CYP4A22: variants seen among roughly 807,000 people sequenced by gnomAD.
CYP4A22 encodes cytochrome P450 family 4 subfamily A member 22, also known as cytochrome P450 4A22.
CYP4A22 carries 46 observed loss-of-function variants against 56.2 expected under a neutral mutation model. That is an observed-to-expected ratio of 0.82 (90% confidence interval 0.65 to 1.05). The LOEUF is 1.05. Among genes scored for constraint, CYP4A22 ranks in the 50% least tolerant of loss-of-function variants. CYP4A22 has a pLI of 0.00. For synonymous variants in CYP4A22, 193 were observed against 251.1 expected, an observed-to-expected ratio of 0.77 and a Z score of 2.19; for missense variants, 541 against 645.9, an observed-to-expected ratio of 0.84 and a Z score of 1.76.
At chr1:47,145,980 C>A (rs767514787) in intron 10 of CYP4A22, 50 bp downstream of exon 10, 1 of 1,614,086 alleles carries the variant, frequency 6.2e-7, no homozygotes, top group East Asian at 2.2e-5. Flanking sequence ...AAGACCAATA[C>A]CTTCTCCTGC....
In CYP4A22 at chr1:47,146,077, G is replaced by T. The variant is rs557697033; in HGVS notation, c.1288G>T (p.Val430Leu). ...HNPKVWPNLE[V>L]FDPSRFAPGS... is the part of the protein sequence containing the mutation. ...CCTGGCTCTGGTGCTCTCTCTGCAG[G>T]TGTTTGACCCTTCCCGTTTTGCACC... Residue 430 changes from valine to leucine, a missense_variant and splice_region_variant, in exon 11 of 12, where the codon GTG (valine) becomes TTG (leucine). Physicochemically the swap from Val to Leu is conservative, Grantham distance 32 (BLOSUM62 1). This residue lies in a region of CYP4A22 where 204 missense variants were observed against 258.9 expected (regional missense o/e 0.79). Coordinates refer to ENST00000371891, the MANE Select transcript of CYP4A22 (RefSeq NM_001010969.4). The T allele has an allele frequency of 1.9e-6, 3 of 1,614,170 alleles. No individual in the cohort carries two copies. Among genetic ancestry groups the T allele is most frequent in the Non-Finnish European group, 2.5e-6 (3 of 1,180,030 alleles).
rs542452720 is a variant in CYP4A22, at chr1:47,149,137, G to T, written c.*340G>T. ...TTGGAACACCAAGCTCTGTGCTGAA[G>T]GGTGGAAGGCTACCCTGACGCACCA... On this transcript the variant is annotated 3_prime_UTR_variant, in exon 12 of 12. Transcript: ENST00000371891. 306 of 209,694 alleles carry T rather than the reference G, an allele frequency of 1.5e-3. No individual in the cohort carries two copies. Among genetic ancestry groups the T allele is most frequent in the Non-Finnish European group, 2.1e-3 (217 of 105,124 alleles). The allele number at this position is 209,694 out of a possible 1,614,324, so 13.0% of individuals were successfully genotyped here.
intron 11 of CYP4A22, among the ~76,000 whole-genome samples, 182 bp from the exon 12 acceptor site, chr1:47,148,419 GT>G (rs1023174977): frequency 6.6e-6 from 1 of 152,188 alleles, no homozygotes; most frequent in African/African-American, 2.4e-5. Context: ...TCTGTCCAAG[GT>G]TTGGGACAGT....
At chr1:47,138,386 G>T (rs1420326242) in intron 1 of CYP4A22, among the ~76,000 whole-genome samples, 1 of 152,172 alleles carries the variant, frequency 6.6e-6, no homozygotes, top group Non-Finnish European at 1.5e-5. Flanking sequence ...TGAACAGGGT[G>T]TATTGACCTC....
In CYP4A22 at chr1:47,140,818, G is replaced by A; in HGVS notation, c.234G>A (p.Arg78=). The part of the protein sequence containing the change: ...HDQELQRIQE[R]VKTFPSACPY... ...AGGAGCTACAACGGATTCAGGAACG[G>A]GTGAAGACATTCCCAAGTGCCTGTC... Residue 78 remains arginine (R), a synonymous_variant, in exon 2 of 12, where the codon CGG becomes CGA. Transcript: ENST00000371891. 1.2e-6 allele frequency: 2 copies of A among 1,614,148 alleles called. No homozygotes were observed. Among genetic ancestry groups the A allele is most frequent in the Non-Finnish European group, 1.7e-6 (2 of 1,180,022 alleles).
intron 1 of CYP4A22, among the ~76,000 whole-genome samples, 182 bp downstream of exon 1, chr1:47,137,862 G>A (rs1644961672): frequency 6.6e-6 from 1 of 152,202 alleles, no homozygotes. Context: ...CTCCCATGAA[G>A]CCCATCCTGC....
chr1:47,146,826 A>T, intron 11 of CYP4A22: 1 of 986,628 alleles, frequency 1.0e-6, no homozygotes, highest in Non-Finnish European at 1.2e-6. Context: ...AATTCTGTAC[A>T]TGCCTTGAGA....
At chr1:47,141,316 T>C (rs1557646045) in intron 2 of CYP4A22, among the ~76,000 whole-genome samples, 1 of 152,178 alleles carries the variant, frequency 6.6e-6, no homozygotes, top group African/African-American at 2.4e-5. Flanking sequence ...GTATTATTCA[T>C]TGTCATTGAA....
intron 1 of CYP4A22, 55 bp downstream of exon 1, chr1:47,137,735 A>G: frequency 6.5e-7 from 1 of 1,544,432 alleles, no homozygotes; most frequent in Non-Finnish European, 8.7e-7. Context: ...CGGCTCTGAG[A>G]CCCTGGTCAC....
Position 47,146,168 on chromosome 1 carries a change from G to T in CYP4A22, c.1364+15G>T. 6.2e-7 allele frequency: 1 copy of T among 1,614,186 alleles called. No individual in the cohort carries two copies. Among genetic ancestry groups the T allele is most frequent in the Non-Finnish European group, 8.5e-7 (1 of 1,180,026 alleles). On this transcript the variant is annotated intron_variant, in intron 11 of 11. Transcript: ENST00000371891. ...GGAGGATCAAGGTGAGACGTCCTGT[G>T]TGGTAATTGGAATAGAGAAATGAGG...
chr1:47,148,317 C>T (rs1645096952), intron 11 of CYP4A22, among the ~76,000 whole-genome samples: 3 of 152,180 alleles, frequency 2.0e-5, no homozygotes, highest in Admixed American at 2.0e-4. Context: ...GACTCTGTGC[C>T]TTAGAGCCCT....
In CYP4A22 at chr1:47,143,252, GC is replaced by G. The variant is rs2148556642; in HGVS notation, c.511-12del. On this transcript the variant is annotated splice_polypyrimidine_tract_variant and intron_variant, in intron 4 of 11. Transcript: ENST00000371891. Reference sequence around the variant, plus strand: ...CTTCTTGGAGATTAAGAAGGTCCATGCCCCCTCCCACCACAGGACAAATGGG... The same window carrying G: ...CTTCTTGGAGATTAAGAAGGTCCATGCCCCTCCCACCACAGGACAAATGGG... 1 of 1,596,214 alleles carries G rather than the reference GC, an allele frequency of 6.3e-7. No homozygotes were observed. The highest frequency in any genetic ancestry group is 1.1e-5 in the South Asian group (1 of 88,174).
At chr1:47,146,005 G>T (rs1407352240) in intron 10 of CYP4A22, 72 bp from the exon 11 acceptor site, 1 of 1,613,984 alleles carries the variant, frequency 6.2e-7, no homozygotes, top group African/African-American at 1.3e-5. Context: ...ACCTCTGGGA[G>T]TACTGTACCC....
In CYP4A22 at chr1:47,144,400, G is replaced by A. The variant is rs887098223; in HGVS notation, c.834G>A (p.Gly278=). The A allele has an allele frequency of 1.2e-5, 20 of 1,613,862 alleles. No homozygotes were observed. The Admixed American group carries it at 2.7e-4, about 22-fold the overall frequency. Residue 278 remains glycine, a synonymous_variant, in exon 7 of 12, where the codon GGG becomes GGA. Coordinates refer to ENST00000371891, the MANE Select transcript of CYP4A22 (RefSeq NM_001010969.4). ...GGAAGGCTCAACTACAGAAGGAGGG[G>A]GAGCTGGAGAAGATCAAGAGGAAGA... is the stretch of plus-strand genomic sequence containing the variant. ...QLRKAQLQKE[G]ELEKIKRKRH...
At chr1:47,140,697 C>T in intron 1 of CYP4A22, 83 bp from the exon 2 acceptor site, 2 of 1,565,600 alleles carry the variant, frequency 1.3e-6, no homozygotes, top group Non-Finnish European at 1.7e-6. Flanking sequence ...TGCTACATGG[C>T]TCCTGTAGTT....
rs746198277 is a variant in CYP4A22 at position 47,143,801 on chromosome 1, C to T, written c.675C>T (p.Asn225=). The T allele has an allele frequency of 1.9e-6, 3 of 1,613,860 alleles. No individual in the cohort carries two copies. In the African/African-American group the frequency reaches 4.0e-5, roughly 22 times the overall value. ...QSYIQAISDL[N]SLVFCCMRNA... The stretch of plus-strand genomic sequence containing the variant: ...ACATCCAGGCCATTAGTGACCTGAA[C>T]AGCCTGGTTTTTTGCTGTATGAGGA... Residue 225 remains asparagine, a synonymous_variant, in exon 6 of 12, where the codon AAC becomes AAT. Transcript: ENST00000371891.
intron 9 of CYP4A22, among the ~76,000 whole-genome samples, chr1:47,145,500 C>G (rs1408782962): frequency 6.6e-6 from 1 of 152,166 alleles, no homozygotes; most frequent in Non-Finnish European, 1.5e-5. Context: ...AGGTATCTCC[C>G]CTGAAAACTG....
chr1:47,148,585 G>T lies in CYP4A22; in HGVS notation c.1365-17G>T. On this transcript the variant is annotated splice_polypyrimidine_tract_variant and intron_variant, in intron 11 of 11. Coordinates refer to ENST00000371891, the MANE Select transcript of CYP4A22 (RefSeq NM_001010969.4). Reference sequence around the variant, plus strand: ...GCCTGAGGACACGTCTCAATTCATTGTCTCCGCCTGGCCCAGGAACTGCAT... The same window carrying T: ...GCCTGAGGACACGTCTCAATTCATTTTCTCCGCCTGGCCCAGGAACTGCAT... 3 of 1,596,102 alleles carry T rather than the reference G, an allele frequency of 1.9e-6. No homozygotes were observed. Among genetic ancestry groups the T allele is most frequent in the Non-Finnish European group, 2.6e-6 (3 of 1,170,548 alleles).
intron 4 of CYP4A22, among the ~76,000 whole-genome samples, chr1:47,142,868 C>T (rs72894559): frequency 5.5e-4 from 84 of 152,356 alleles, no homozygotes; most frequent in African/African-American, 2.0e-3. Flanking sequence ...CTGAAACTTT[C>T]TGCCCTAAAG....
Sources: gnomAD v4.1 joint callset for allele counts (sites outside exome capture counted in the v4.1 genomes callset) on GRCh38, gnomAD v4.1.1 for gene constraint, gnomAD v4.1.1 regional missense constraint, MANE v1.5 for transcripts, NCBI Gene and HGNC (gene_info 2026-07-23, HGNC 2026-07-21) for gene names.